Variants in RPS6KC1 observed in about 807,000 individuals in gnomAD.
RPS6KC1 encodes ribosomal protein S6 kinase C1.
RPS6KC1 carries 54 observed loss-of-function variants against 103.8 expected under a neutral mutation model. The ratio of observed to expected loss-of-function variants is 0.52; its 90% confidence interval spans 0.42 to 0.65. RPS6KC1 has a LOEUF of 0.65. Ranked by LOEUF, RPS6KC1 falls within the 30% of genes least tolerant of loss-of-function variation. RPS6KC1 has a pLI of 0.00. For missense variants in RPS6KC1, 1,151 were observed against 1,253.8 expected (o/e 0.92, Z 1.24); for synonymous variants, 439 against 438.7 (o/e 1.00, Z -0.01).
the RPS6KC1 span, among the ~76,000 whole-genome samples, chr1:213,382,580 C>A: frequency 6.9e-6 from 1 of 145,590 alleles, no homozygotes; most frequent in African/African-American, 2.6e-5. Flanking sequence ...ACTTGGCAGG[C>A]GTGGCCTGGG....
the RPS6KC1 span, among the ~76,000 whole-genome samples, chr1:213,557,333 C>T: frequency 5.9e-5 from 9 of 152,242 alleles, no homozygotes; most frequent in Non-Finnish European, 1.2e-4. Context: ...CTCCAGAAGT[C>T]GGAAGACACA....
chr1:213,134,524 T>C (rs2086036052), intron 6 of RPS6KC1, among the ~76,000 whole-genome samples: 1 of 152,116 alleles, frequency 6.6e-6, no homozygotes, highest in South Asian at 2.1e-4. Context: ...GATGCAAACA[T>C]TTTCATTCTG....
chr1:213,770,346 A>G, the RPS6KC1 span, among the ~76,000 whole-genome samples: 3 of 152,170 alleles, frequency 2.0e-5, no homozygotes, highest in Non-Finnish European at 4.4e-5. Flanking sequence ...AGTGTGTTTT[A>G]CAACACTGAT....
chr1:213,206,269 G>A lies in RPS6KC1; in HGVS notation c.1045-24228G>A, dbSNP rs114603306. Among the ~76,000 whole-genome samples, 299 of 152,316 alleles carry A rather than the reference G, an allele frequency of 2.0e-3. 1 individual carries two copies. The highest frequency in any genetic ancestry group is 6.8e-3 in the African/African-American group (284 of 41,562). ...CTTGGGTTTTATAATCTTAGGATTA[G>A]AAAGGGCTTTAAGGTTATCTGACCC... On this transcript the variant is annotated intron_variant, in intron 8 of 14. Coordinates refer to ENST00000366960, the MANE Select transcript of RPS6KC1 (RefSeq NM_012424.6).
chr1:213,741,218 T>C, the RPS6KC1 span, among the ~76,000 whole-genome samples: 1 of 151,826 alleles, frequency 6.6e-6, no homozygotes, highest in Non-Finnish European at 1.5e-5. Context: ...TATTAATATA[T>C]TCATCACTTC....
chr1:213,713,042 G>A, the RPS6KC1 span, among the ~76,000 whole-genome samples: 1 of 152,130 alleles, frequency 6.6e-6, no homozygotes, highest in African/African-American at 2.4e-5. Context: ...TTCTTGTGGT[G>A]GGGGTGGGCC....
At chr1:213,688,661 A>G in the RPS6KC1 span, among the ~76,000 whole-genome samples, 4 of 152,124 alleles carry the variant, frequency 2.6e-5, no homozygotes, top group Non-Finnish European at 5.9e-5. Flanking sequence ...ACTCCCCAAC[A>G]CTTACCATCT....
intron 6 of RPS6KC1, among the ~76,000 whole-genome samples, chr1:213,162,340 G>T (rs1222242407): frequency 6.6e-6 from 1 of 152,092 alleles, no homozygotes; most frequent in Admixed American, 6.6e-5. Context: ...GAGTGCAGTG[G>T]TGCCATCACA....
rs558136689 is a variant in RPS6KC1 at position 213,124,484 on chromosome 1, G to A, written c.473-5043G>A. The stretch of plus-strand genomic sequence containing the variant: ...GTTAACTTTCTTTCTGGGCTTCAGG[G>A]AGCTAGTTTGCGTTTCGTATGATAT... On this transcript the variant is annotated intron_variant, in intron 5 of 14. Coordinates refer to ENST00000366960, the MANE Select transcript of RPS6KC1 (RefSeq NM_012424.6). 2.2e-4 allele frequency among the ~76,000 whole-genome samples: 34 copies of A among 152,178 alleles called. No homozygotes were observed. In the South Asian group the frequency reaches 7.1e-3, roughly 32 times the overall value.
chr1:213,299,827 C>T, the RPS6KC1 span, among the ~76,000 whole-genome samples: 163 of 152,056 alleles, frequency 1.1e-3, no homozygotes, highest in Middle Eastern at 3.4e-3. Context: ...ATTTTTGAGA[C>T]GGAGTCTCGT....
chr1:213,831,078 T>C, the RPS6KC1 span, among the ~76,000 whole-genome samples: 7 of 152,256 alleles, frequency 4.6e-5, no homozygotes, highest in Non-Finnish European at 5.9e-5. Context: ...CAGAGAAAGT[T>C]AAGATTCTTC....
the RPS6KC1 span, among the ~76,000 whole-genome samples, chr1:213,500,980 T>G: frequency 3.3e-5 from 5 of 152,058 alleles, no homozygotes; most frequent in Non-Finnish European, 7.4e-5. Context: ...GAAAGAAAAC[T>G]ATAAAGTATT....
At chr1:213,280,161 CAAG>C in the RPS6KC1 span, among the ~76,000 whole-genome samples, 2 of 151,876 alleles carry the variant, frequency 1.3e-5, no homozygotes, top group African/African-American at 4.8e-5. Flanking sequence ...ATAATGAAGA[CAAG>C]GAGGAAGGGA....
the RPS6KC1 span, among the ~76,000 whole-genome samples, chr1:213,589,367 T>G: frequency 6.6e-6 from 1 of 152,250 alleles, no homozygotes; most frequent in African/African-American, 2.4e-5. Flanking sequence ...GCTCTAGAGC[T>G]GGGCGCAGTG....
At chr1:213,250,881 T>C (rs1209085582) in intron 12 of RPS6KC1, among the ~76,000 whole-genome samples, 1 of 152,170 alleles carries the variant, frequency 6.6e-6, no homozygotes, top group East Asian at 1.9e-4. Flanking sequence ...AGTGTAGTTG[T>C]CCTACAATAC....
the RPS6KC1 span, among the ~76,000 whole-genome samples, chr1:213,564,264 T>A: frequency 7.5e-4 from 115 of 152,326 alleles, no homozygotes; most frequent in African/African-American, 2.4e-3. Flanking sequence ...GCACTTTGAA[T>A]ATATTTATGT....
chr1:213,343,440 T>TATATATATATACAC, the RPS6KC1 span, among the ~76,000 whole-genome samples: 496 of 80,340 alleles, frequency 6.2e-3, 120 homozygotes, highest in Non-Finnish European at 9.7e-3. Flanking sequence ...TATATATATA[T>TATATATATATACAC]ACATACCATG....
chr1:213,392,957 G>A, the RPS6KC1 span, among the ~76,000 whole-genome samples: 1 of 152,200 alleles, frequency 6.6e-6, no homozygotes, highest in African/African-American at 2.4e-5. Context: ...AGAGAAATAT[G>A]TGTGAAATTC....
rs2094069692 is a variant in RPS6KC1, at chr1:213,230,527, C to T, written c.1075C>T (p.Gln359Ter). 6.2e-7 allele frequency: 1 copy of T among 1,605,108 alleles called. No individual in the cohort carries two copies. Among genetic ancestry groups the T allele is most frequent in the Non-Finnish European group, 8.5e-7 (1 of 1,175,406 alleles). ...VLLVMDTRTEQTFILKGLRKS... is the reference protein window; with the variant it reads ...VLLVMDTRTE ...ACTTGTAATGGACACAAGGACAGAA[C>T]AGACTTTCATTTTAAAAGTAAGTAA... Residue 359 changes from glutamine (Q) to a stop codon, truncating the protein, a stop_gained, in exon 9 of 15, where the codon CAG becomes TAG. Coordinates refer to ENST00000366960, the MANE Select transcript of RPS6KC1 (RefSeq NM_012424.6). LOFTEE classifies it high-confidence loss of function.
Sources: allele counts gnomAD v4.1 joint callset (sites outside exome capture counted in the v4.1 genomes callset), GRCh38; gene constraint gnomAD v4.1.1; transcripts MANE v1.5; gene names NCBI Gene and HGNC (gene_info 2026-07-23, HGNC 2026-07-21).